Variants in MARCHF1 observed in about 807,000 individuals in gnomAD.
The protein encoded by MARCHF1 is E3 ubiquitin-protein ligase MARCHF1.
Under a neutral mutation model 54.2 loss-of-function variants are expected in MARCHF1, and 40 were observed. The observed-to-expected ratio is 0.74, with a 90% CI of 0.57 to 0.96. The LOEUF (loss-of-function observed/expected upper bound fraction) is 0.96, where lower values mean the gene tolerates loss of function less well. MARCHF1 is among the 40% of genes least tolerant of loss of function. The pLI is 0.00. For synonymous variants in MARCHF1, 236 were observed against 236.3 expected (o/e 1.00, Z 0.01); for missense variants, 586 against 656.5 (o/e 0.89, Z 1.17).
chr4:164,175,405 C>T (rs1280903969), intron 1 of MARCHF1, among the ~76,000 whole-genome samples: 1 of 152,150 alleles, frequency 6.6e-6, no homozygotes, highest in African/African-American at 2.4e-5. Flanking sequence ...CTTCTCAATA[C>T]TATTTCCTTT....
intron 4 of MARCHF1, among the ~76,000 whole-genome samples, chr4:163,820,531 C>A (rs531666056): frequency 6.6e-6 from 1 of 152,132 alleles, no homozygotes; most frequent in South Asian, 2.1e-4. Flanking sequence ...CTTCAAGTTG[C>A]AAATCATTTA....
At chr4:163,899,066 G>A (rs1050437901) in intron 3 of MARCHF1, among the ~76,000 whole-genome samples, 1 of 152,126 alleles carries the variant, frequency 6.6e-6, no homozygotes, top group Non-Finnish European at 1.5e-5. Context: ...TTCCTGTTGG[G>A]TACAACGTTC....
chr4:163,629,068 A>T (rs746212632), intron 5 of MARCHF1, among the ~76,000 whole-genome samples: 28 of 152,208 alleles, frequency 1.8e-4, no homozygotes, highest in Non-Finnish European at 3.1e-4. Flanking sequence ...TTTCATATGG[A>T]ACCAAAAAAG....
chr4:164,169,091 C>T (rs115956695), intron 1 of MARCHF1, among the ~76,000 whole-genome samples: 1,612 of 152,046 alleles, frequency 0.011, 24 homozygotes, highest in African/African-American at 0.036. Flanking sequence ...ATTTTAGCTG[C>T]CCTTGTCACA....
chr4:164,340,077 G>A (rs1372766350), intron 1 of MARCHF1, among the ~76,000 whole-genome samples: 1 of 151,844 alleles, frequency 6.6e-6, no homozygotes, highest in African/African-American at 2.4e-5. Context: ...AATGAGTAAG[G>A]AGATTGAATC....
intron 4 of MARCHF1, among the ~76,000 whole-genome samples, chr4:163,765,809 T>C (rs866150585): frequency 7.1e-6 from 1 of 140,598 alleles, no homozygotes; most frequent in Non-Finnish European, 1.5e-5. Flanking sequence ...CTTAAAGTGA[T>C]ATACCGGATT....
intron 5 of MARCHF1, among the ~76,000 whole-genome samples, chr4:163,632,393 T>C (rs1242855171): frequency 6.6e-6 from 1 of 152,162 alleles, no homozygotes; most frequent in Non-Finnish European, 1.5e-5. Context: ...GTGCATGCAC[T>C]GTGCGCCAGC....
At chr4:164,031,718 C>T (rs1383486692) in intron 2 of MARCHF1, among the ~76,000 whole-genome samples, 2 of 152,214 alleles carry the variant, frequency 1.3e-5, no homozygotes, top group Admixed American at 6.5e-5. Context: ...TGATGTGCTG[C>T]TGGATTTGGT....
At chr4:164,306,374 T>A (rs1175036739) in intron 1 of MARCHF1, among the ~76,000 whole-genome samples, 1 of 152,162 alleles carries the variant, frequency 6.6e-6, no homozygotes, top group Admixed American at 6.6e-5. Context: ...ACCTCATTTC[T>A]ATCAAGGTCA....
At chr4:163,581,054 G>A (rs1740215914) in intron 8 of MARCHF1, among the ~76,000 whole-genome samples, 1 of 41,660 alleles carries the variant, frequency 2.4e-5, no homozygotes, top group South Asian at 7.4e-4. Flanking sequence ...CACCCGCCTC[G>A]GCCTCCCAAA....
At chr4:164,091,456 T>C (rs1313898642) in intron 2 of MARCHF1, among the ~76,000 whole-genome samples, 1 of 145,816 alleles carries the variant, frequency 6.9e-6, no homozygotes, top group Non-Finnish European at 1.5e-5. Flanking sequence ...ACGCAGTTAA[T>C]ATGTACAATG....
At chr4:164,070,065 G>A (rs767821427) in intron 2 of MARCHF1, among the ~76,000 whole-genome samples, 1 of 152,254 alleles carries the variant, frequency 6.6e-6, no homozygotes, top group African/African-American at 2.4e-5. Context: ...GCTAAACATG[G>A]AGCATACATT....
At chr4:164,098,370 A>G (rs1398673412) in intron 2 of MARCHF1, among the ~76,000 whole-genome samples, 2 of 152,216 alleles carry the variant, frequency 1.3e-5, no homozygotes, top group African/African-American at 4.8e-5. Flanking sequence ...CAACCCTGAA[A>G]TAGAGAACAA....
intron 4 of MARCHF1, among the ~76,000 whole-genome samples, chr4:163,785,297 G>A (rs1344744204): frequency 6.6e-6 from 1 of 152,014 alleles, no homozygotes; most frequent in Non-Finnish European, 1.5e-5. Flanking sequence ...TTTGCAATTT[G>A]AAATTTTCTC....
intron 4 of MARCHF1, among the ~76,000 whole-genome samples, chr4:163,764,892 A>G (rs1210780652): frequency 1.3e-5 from 2 of 152,152 alleles, no homozygotes; most frequent in African/African-American, 2.4e-5. Context: ...CCAGTTGTTT[A>G]TTAAACACAG....
intron 1 of MARCHF1, among the ~76,000 whole-genome samples, chr4:164,380,189 A>G (rs1358706719): frequency 1.3e-5 from 2 of 152,162 alleles, no homozygotes; most frequent in African/African-American, 4.8e-5. Context: ...ATATTCTAAA[A>G]CCACAATTAC....
chr4:163,959,820 A>G lies in MARCHF1; in HGVS notation c.-39+28681T>C, dbSNP rs143000067. Among the ~76,000 whole-genome samples, 340 of 152,186 alleles carry G rather than the reference A, an allele frequency of 2.2e-3. 1 individual carries two copies. The highest frequency in any genetic ancestry group is 0.01 in the Middle Eastern group (3 of 294). On this transcript the variant is annotated intron_variant, in intron 3 of 9. Transcript: ENST00000514618. The stretch of plus-strand genomic sequence containing the variant: ...AAATGCAATAAAATTGACTAATGGG[A>G]TCTAATTAAACTGAGAGTTTCTGCA...
intron 3 of MARCHF1, among the ~76,000 whole-genome samples, chr4:163,936,886 A>G (rs531014715): frequency 1.3e-5 from 2 of 152,326 alleles, no homozygotes; most frequent in South Asian, 2.1e-4. Context: ...AGAAGAGTAT[A>G]TAAGAGTGGC....
At chr4:163,974,738 G>A (rs1355785700) in intron 3 of MARCHF1, among the ~76,000 whole-genome samples, 2 of 152,172 alleles carry the variant, frequency 1.3e-5, no homozygotes, top group Admixed American at 1.3e-4. Context: ...GTATCAGTCG[G>A]AAGCCAGAAA....
Sources: gnomAD v4.1 joint callset for allele counts (sites outside exome capture counted in the v4.1 genomes callset) on GRCh38, gnomAD v4.1.1 for gene constraint, MANE v1.5 for transcripts, NCBI Gene and HGNC (gene_info 2026-07-23, HGNC 2026-07-21) for gene names.